CPEB3: variants seen among roughly 807,000 people sequenced by gnomAD.
CPEB3 encodes cytoplasmic polyadenylation element binding protein 3.
Under a neutral mutation model 67.2 loss-of-function variants are expected in CPEB3, and 20 were observed. That is an observed-to-expected ratio of 0.30 (90% CI 0.21 to 0.43). The LOEUF is 0.43. Among genes scored for constraint, CPEB3 ranks in the 20% least tolerant of loss-of-function variants. The probability of loss-of-function intolerance (pLI) is 1.00; values close to 1 mark genes in which losing one functional copy is unlikely to be tolerated. For missense variants in CPEB3, 746 were observed against 968.6 expected, an observed-to-expected ratio of 0.77 and a Z score of 3.05; for synonymous variants, 376 against 393.1, an observed-to-expected ratio of 0.96 and a Z score of 0.51.
intron 1 of CPEB3, among the ~76,000 whole-genome samples, chr10:92,246,283 A>G (rs1295937308): frequency 2.6e-5 from 4 of 151,268 alleles, no homozygotes; most frequent in East Asian, 2.0e-4. Flanking sequence ...GCAGTGAGCC[A>G]AGATCGCGCC....
At chr10:92,149,661 C>T (rs577045563) in intron 4 of CPEB3, among the ~76,000 whole-genome samples, 3 of 152,162 alleles carry the variant, frequency 2.0e-5, no homozygotes, top group South Asian at 4.2e-4. Flanking sequence ...ATTTAGAGTA[C>T]GATAGACGTT....
At chr10:92,222,123 G>A (rs1006094243) in intron 2 of CPEB3, among the ~76,000 whole-genome samples, 2 of 151,538 alleles carry the variant, frequency 1.3e-5, no homozygotes, top group Non-Finnish European at 2.9e-5. Flanking sequence ...TGACCAATAA[G>A]ACCATAAATT....
chr10:92,289,120 G>A (rs989180444), intron 1 of CPEB3, among the ~76,000 whole-genome samples: 29 of 152,204 alleles, frequency 1.9e-4, no homozygotes, highest in African/African-American at 7.0e-4. Context: ...GTGCGAGCCT[G>A]TAATCCCAGC....
chr10:92,119,977 A>G (rs11186835), intron 6 of CPEB3, among the ~76,000 whole-genome samples: 58,967 of 150,146 alleles, frequency 0.39, 12,407 homozygotes, highest in African/African-American at 0.55. Context: ...AAATTGCGCC[A>G]GGCGCGGTGG....
At chr10:92,274,633 G>C (rs913056446) in intron 1 of CPEB3, among the ~76,000 whole-genome samples, 7 of 152,080 alleles carry the variant, frequency 4.6e-5, no homozygotes, top group Admixed American at 4.6e-4. Context: ...TTGAGGTCAG[G>C]AGTTCAAGAC....
At position 92,201,267 on chromosome 10, in the gene CPEB3, C is replaced by A. The variant is rs546258126; in HGVS notation, c.1006-8631G>T. ...ATTAGGCCGGGCACGGTGGCTCACA[C>A]CTGTAATCCTAGCACTTTGGGAGGC... On this transcript the variant is annotated intron_variant, in intron 2 of 9. Coordinates refer to ENST00000265997, the MANE Select transcript of CPEB3 (RefSeq NM_014912.5). 8.2e-4 allele frequency among the ~76,000 whole-genome samples: 125 copies of A among 152,296 alleles called. 1 individual carries two copies. Among genetic ancestry groups the A allele is most frequent in the African/African-American group, 2.9e-3 (122 of 41,562 alleles).
intron 2 of CPEB3, among the ~76,000 whole-genome samples, chr10:92,193,151 G>A (rs924200646): frequency 2.6e-5 from 4 of 152,086 alleles, no homozygotes; most frequent in Non-Finnish European, 5.9e-5. Context: ...GGCAGAGGTT[G>A]CAGTGAGCTG....
intron 2 of CPEB3, among the ~76,000 whole-genome samples, chr10:92,192,847 G>A (rs1042641225): frequency 1.3e-5 from 2 of 152,010 alleles, no homozygotes; most frequent in South Asian, 2.1e-4. Context: ...CGAATGTCTA[G>A]GCTCAAGCAA....
intron 6 of CPEB3, among the ~76,000 whole-genome samples, chr10:92,121,355 A>G (rs915246621): frequency 6.8e-6 from 1 of 146,792 alleles, no homozygotes; most frequent in Non-Finnish European, 1.5e-5. Flanking sequence ...ACACATATAT[A>G]TATATAAAAT....
rs1300638941 is a variant in CPEB3 at position 92,068,871 on chromosome 10, T to C, written c.1869+12449A>G. ...CTCTGGGACTCCCAGTACTTCAAAA[T>C]AAGCCCAGGTAGGATTAGTTCAGAT... is the stretch of plus-strand genomic sequence containing the variant. On this transcript the variant is annotated intron_variant, in intron 9 of 9. Coordinates refer to ENST00000265997, the MANE Select transcript of CPEB3 (RefSeq NM_014912.5). Among the ~76,000 whole-genome samples the C allele has an allele frequency of 7.9e-5, 12 of 152,302 alleles. No homozygotes were observed. In the South Asian group the frequency reaches 1.2e-3, roughly 16 times the overall value.
In CPEB3 at chr10:92,206,076, CTT is replaced by C. The variant is rs575156457; in HGVS notation, c.1006-13442_1006-13441del. 2.6e-3 allele frequency among the ~76,000 whole-genome samples: 367 copies of C among 139,064 alleles called. 1 individual carries two copies. Among genetic ancestry groups the C allele is most frequent in the African/African-American group, 8.0e-3 (304 of 37,984 alleles). The allele number at this position is 139,064 out of a possible 152,430, so 91.2% of individuals were successfully genotyped here. ...GTCATAAAGTCAAGTCCAGTAAATA[CTT>C]TTTTTTTTTTTTTTGGAGACAGAGT... On this transcript the variant is annotated intron_variant, in intron 2 of 9. Coordinates refer to ENST00000265997, the MANE Select transcript of CPEB3 (RefSeq NM_014912.5).
At chr10:92,208,096 G>T (rs1364066689) in intron 2 of CPEB3, among the ~76,000 whole-genome samples, 1 of 152,194 alleles carries the variant, frequency 6.6e-6, no homozygotes. Context: ...GCAAAAATAT[G>T]TGGGAAAAAT....
intron 7 of CPEB3, among the ~76,000 whole-genome samples, chr10:92,094,468 A>G (rs1313247902): frequency 7.9e-5 from 12 of 151,848 alleles, no homozygotes; most frequent in Admixed American, 7.9e-4. Flanking sequence ...CGGGCGTGGT[A>G]GCGGGCGCCT....
At chr10:92,083,534 T>A (rs1346642100) in intron 8 of CPEB3, among the ~76,000 whole-genome samples, 4 of 152,194 alleles carry the variant, frequency 2.6e-5, no homozygotes, top group African/African-American at 9.7e-5. Flanking sequence ...GTAACAGAGA[T>A]CAAGAAACTG....
chr10:92,142,033 T>TAA (rs1325962002), intron 6 of CPEB3, among the ~76,000 whole-genome samples: 8 of 92,940 alleles, frequency 8.6e-5, no homozygotes, highest in South Asian at 3.2e-4. Context: ...AAAAAACAAA[T>TAA]AAAAACAAAA....
At chr10:92,060,908 G>A (rs1842317927) in intron 9 of CPEB3, among the ~76,000 whole-genome samples, 1 of 152,218 alleles carries the variant, frequency 6.6e-6, no homozygotes, top group South Asian at 2.1e-4. Context: ...CTTGTACACT[G>A]TTGGTTGGAA....
chr10:92,258,700 T>C (rs1852653245), intron 1 of CPEB3, among the ~76,000 whole-genome samples: 1 of 135,712 alleles, frequency 7.4e-6, no homozygotes, highest in Non-Finnish European at 1.5e-5. Flanking sequence ...TGTGTTCATC[T>C]TAGGTCAAAA....
intron 3 of CPEB3, 77 bp from the exon 4 acceptor site, chr10:92,181,096 A>G (rs1314929736): frequency 2.6e-6 from 2 of 784,056 alleles, no homozygotes; most frequent in East Asian, 2.7e-5. Flanking sequence ...TATAAACATT[A>G]CAAAAATCTA....
At chr10:92,188,391 C>T (rs1400628615) in intron 3 of CPEB3, among the ~76,000 whole-genome samples, 1 of 134,948 alleles carries the variant, frequency 7.4e-6, no homozygotes, top group African/African-American at 2.8e-5. Context: ...CAGCCAAGCA[C>T]GTAGTTTGGG....
Sources: gnomAD v4.1 joint callset for allele counts (sites outside exome capture counted in the v4.1 genomes callset) on GRCh38, gnomAD v4.1.1 for gene constraint, MANE v1.5 for transcripts, NCBI Gene and HGNC (gene_info 2026-07-23, HGNC 2026-07-21) for gene names.